OTUD7A: variants seen among roughly 807,000 people sequenced by gnomAD.
OTUD7A encodes OTU domain-containing protein 7A.
OTUD7A carries 12 observed loss-of-function variants against 65.7 expected under a neutral mutation model. That is an observed-to-expected ratio of 0.18 (90% CI 0.12 to 0.30). The LOEUF (loss-of-function observed/expected upper bound fraction) is 0.30. Ranked by LOEUF, OTUD7A falls within the 10% of genes least tolerant of loss-of-function variation. The pLI is 1.00. For synonymous variants in OTUD7A, 641 were observed against 586.3 expected (o/e 1.09, Z -1.35); for missense variants, 1,148 against 1,304.8 (o/e 0.88, Z 1.85).
chr15:31,790,778 T>C (rs1895793323), intron 1 of OTUD7A, among the ~76,000 whole-genome samples: 1 of 152,192 alleles, frequency 6.6e-6, no homozygotes, highest in Non-Finnish European at 1.5e-5. Context: ...ATGACAGCCC[T>C]GGGAGCTATA....
chr15:31,565,970 A>G (rs1001029469), intron 4 of OTUD7A, among the ~76,000 whole-genome samples: 50 of 152,334 alleles, frequency 3.3e-4, no homozygotes, highest in African/African-American at 1.2e-3. Context: ...AGGTAGGTGG[A>G]TCACAAGGTC....
intron 1 of OTUD7A, among the ~76,000 whole-genome samples, chr15:31,853,801 C>T (rs1409926497): frequency 1.3e-5 from 2 of 152,194 alleles, no homozygotes; most frequent in South Asian, 2.1e-4. Context: ...GTGTGCATCC[C>T]GCCCTGGCTT....
intron 1 of OTUD7A, among the ~76,000 whole-genome samples, chr15:31,832,936 T>G (rs1166303717): frequency 6.6e-6 from 1 of 152,242 alleles, no homozygotes; most frequent in Non-Finnish European, 1.5e-5. Context: ...TCATGTTCAA[T>G]TCTTTTGGAC....
intron 1 of OTUD7A, among the ~76,000 whole-genome samples, chr15:31,805,468 C>T (rs1216727276): frequency 6.6e-6 from 1 of 152,240 alleles, no homozygotes; most frequent in African/African-American, 2.4e-5. Context: ...ACCCTCTCTT[C>T]TATCCACCCC....
intron 3 of OTUD7A, among the ~76,000 whole-genome samples, chr15:31,573,292 AC>A (rs928744891): frequency 6.6e-6 from 1 of 152,232 alleles, no homozygotes; most frequent in Non-Finnish European, 1.5e-5. Flanking sequence ...AAGGCTGTAG[AC>A]AAACCATTTT....
At chr15:31,592,927 ATAT>A (rs1292821917) in intron 3 of OTUD7A, among the ~76,000 whole-genome samples, 1 of 96,564 alleles carries the variant, frequency 1.0e-5, no homozygotes, top group Admixed American at 1.1e-4. Flanking sequence ...ATATATATAT[ATAT>A]ATATATGTAT....
At position 31,661,192 on chromosome 15, in the gene OTUD7A, A is replaced by G. The variant is rs187814812; in HGVS notation, c.-99-4115T>C. ...TTCTCCTAGTATGGAAAGATGGAAGAAAAGTCTCTCCTAAAATGTATAACT... is the reference window on the plus strand; with the variant it reads ...TTCTCCTAGTATGGAAAGATGGAAGGAAAGTCTCTCCTAAAATGTATAACT... On this transcript the variant is annotated intron_variant, in intron 1 of 12. Transcript: ENST00000307050. Among the ~76,000 whole-genome samples, 435 of 152,378 alleles carry G rather than the reference A, an allele frequency of 2.9e-3. 5 individuals carry two copies. The highest frequency in any genetic ancestry group is 0.01 in the African/African-American group (420 of 41,596).
chr15:31,721,108 T>C (rs952064496), intron 1 of OTUD7A, among the ~76,000 whole-genome samples: 4 of 152,256 alleles, frequency 2.6e-5, no homozygotes, highest in African/African-American at 9.6e-5. Flanking sequence ...GTTCACACAA[T>C]GACAAAATCA....
At chr15:31,767,233 T>C (rs1895114608) in intron 1 of OTUD7A, 1 of 928,436 alleles carries the variant, frequency 1.1e-6, no homozygotes, top group Admixed American at 2.0e-5. Flanking sequence ...ATTTTATGTA[T>C]CCCACTGGAT....
At chr15:31,591,741 GTGTGCATACTGCACATTCA>G (rs1368425636) in intron 3 of OTUD7A, among the ~76,000 whole-genome samples, 6 of 152,182 alleles carry the variant, frequency 3.9e-5, no homozygotes, top group Non-Finnish European at 8.8e-5. Flanking sequence ...GTATGGATAT[GTGTGCATACTGCACATTCA>G]TGTGCCACTT....
At chr15:31,814,115 C>T (rs1000447551) in intron 1 of OTUD7A, among the ~76,000 whole-genome samples, 5 of 152,248 alleles carry the variant, frequency 3.3e-5, no homozygotes, top group African/African-American at 1.2e-4. Context: ...TTATTTCTCA[C>T]GCATGCTAAT....
At chr15:31,861,940 A>C (rs1595822206) in intron 1 of OTUD7A, among the ~76,000 whole-genome samples, 2 of 152,340 alleles carry the variant, frequency 1.3e-5, no homozygotes, top group South Asian at 4.1e-4. Flanking sequence ...CAATGGCAAG[A>C]GATGGCCAGT....
At chr15:31,645,001 G>A (rs1017678650) in intron 3 of OTUD7A, among the ~76,000 whole-genome samples, 3 of 152,152 alleles carry the variant, frequency 2.0e-5, no homozygotes, top group African/African-American at 7.2e-5. Context: ...TTGGCTGAGT[G>A]GCAGAGGCAA....
chr15:31,866,794 T>A (rs906429526), intron 1 of OTUD7A, among the ~76,000 whole-genome samples: 29 of 152,214 alleles, frequency 1.9e-4, no homozygotes, highest in African/African-American at 6.0e-4. Flanking sequence ...CAGTGTTCAA[T>A]CAAGGTGAAG....
At position 31,656,978 on chromosome 15, in the gene OTUD7A, T is replaced by G. The variant is rs1892011361; in HGVS notation, c.-5+5A>C. On this transcript the variant is annotated splice_donor_5th_base_variant and intron_variant, in intron 2 of 12. Transcript: ENST00000307050. ...TGCGGCCAGAAAAGAAGAAAATTAT[T>G]TGACCTGATGTATATGGTACCAATT... The G allele has an allele frequency of 2.0e-5, 3 of 152,696 alleles. No individual in the cohort carries two copies. In the South Asian group the frequency reaches 6.2e-4, roughly 32 times the overall value. The allele number at this position is 152,696 out of a possible 1,614,324, so 9.5% of individuals were successfully genotyped here. A position where few individuals can be genotyped will look rare whatever the true frequency, so the allele number is the denominator to read the frequency against.
At chr15:31,645,018 T>G (rs1426036369) in intron 3 of OTUD7A, among the ~76,000 whole-genome samples, 1 of 152,190 alleles carries the variant, frequency 6.6e-6, no homozygotes, top group Non-Finnish European at 1.5e-5. Context: ...GCAAACCCTC[T>G]GTGAATCGCT....
chr15:31,713,379 GA>G (rs1468098677), intron 1 of OTUD7A, among the ~76,000 whole-genome samples: 3 of 152,150 alleles, frequency 2.0e-5, no homozygotes, highest in Non-Finnish European at 4.4e-5. Context: ...AGCACTTTGG[GA>G]GGCTGGGGCG....
chr15:31,483,567 G>C lies in OTUD7A; in HGVS notation c.2529C>G (p.Gly843=). ...LARAVPGALP[G]AAGTAGAAEH... ...CGGCCGCCCCCGCCGTCCCCGCCGC[G>C]CCCGGTAGGGCCCCGGGCACCGCGC... Residue 843 remains glycine (G), a synonymous_variant, in exon 13 of 13, where the codon GGC becomes GGG. Transcript: ENST00000307050. 1 of 1,290,644 alleles carries C rather than the reference G, an allele frequency of 7.7e-7. No homozygotes were observed. Among genetic ancestry groups the C allele is most frequent in the Non-Finnish European group, 9.8e-7 (1 of 1,019,092 alleles). 79.9% of individuals were successfully genotyped at this position (1,290,644 alleles called of 1,614,324 possible). A position where few individuals can be genotyped will look rare whatever the true frequency, so the allele number is the denominator to read the frequency against.
chr15:31,633,466 C>T (rs1891241431), intron 3 of OTUD7A, among the ~76,000 whole-genome samples: 2 of 152,162 alleles, frequency 1.3e-5, no homozygotes, highest in Non-Finnish European at 2.9e-5. Context: ...GTATGTTGGA[C>T]TTTCTCATAC....
Sources: allele counts gnomAD v4.1 joint callset (sites outside exome capture counted in the v4.1 genomes callset), GRCh38; gene constraint gnomAD v4.1.1; transcripts MANE v1.5; gene names NCBI Gene and HGNC (gene_info 2026-07-23, HGNC 2026-07-21).